DLC1: variants seen among roughly 807,000 people sequenced by gnomAD.
The protein encoded by DLC1 is rho GTPase-activating protein 7.
Under a neutral mutation model 140.3 loss-of-function variants are expected in DLC1, and 54 were observed. The observed-to-expected ratio is 0.38, with a 90% CI of 0.31 to 0.48. The LOEUF (loss-of-function observed/expected upper bound fraction) is 0.48. DLC1 is among the 20% of genes least tolerant of loss of function. The pLI is 0.96. For missense variants in DLC1, 2,536 were observed against 1,907.0 expected (o/e 1.33, Z -6.14); for synonymous variants, 986 against 728.1 (o/e 1.35, Z -5.70).
At chr8:13,176,802 T>C (rs1825783467) in intron 5 of DLC1, among the ~76,000 whole-genome samples, 1 of 152,148 alleles carries the variant, frequency 6.6e-6, no homozygotes, top group African/African-American at 2.4e-5. Flanking sequence ...TGTCCTGGAT[T>C]ATCTAGGTGG....
Position 13,579,361 on chromosome 8 carries a change from A to ATATATATT in DLC1, c.-126+25175_-126+25176insAATATATA, listed in dbSNP as rs1236395843. Among the ~76,000 whole-genome samples, 8 of 25,486 alleles carry ATATATATT rather than the reference A, an allele frequency of 3.1e-4. 1 individual carries two copies. The highest frequency in any genetic ancestry group is 1.3e-3 in the African/African-American group (6 of 4,574). 16.7% of individuals were successfully genotyped at this position (25,486 alleles called of 152,430 possible). ...TATATATATATATATATATATATAT[A>ATATATATT]TTTTTATATAATACATATTTATATA... On this transcript the variant is annotated intron_variant, in intron 1 of 1. Transcript: ENST00000631382.
chr8:13,192,334 A>G (rs1279486494), intron 5 of DLC1, among the ~76,000 whole-genome samples: 5 of 152,178 alleles, frequency 3.3e-5, no homozygotes, highest in Admixed American at 3.3e-4. Flanking sequence ...CCTTTTTAAA[A>G]ATGAGATGAC....
intron 1 of DLC1, chr8:13,557,793 A>T (rs1003986557): frequency 6.6e-6 from 1 of 152,154 alleles, no homozygotes; most frequent in Non-Finnish European, 1.5e-5. Context: ...TAGCAGTCTG[A>T]AAACAAGCTA....
At chr8:13,226,219 A>G (rs1828791405) in intron 5 of DLC1, among the ~76,000 whole-genome samples, 1 of 152,208 alleles carries the variant, frequency 6.6e-6, no homozygotes, top group Non-Finnish European at 1.5e-5. Flanking sequence ...CAGCCTGATT[A>G]ATAAATTTGA....
intron 2 of DLC1, among the ~76,000 whole-genome samples, chr8:13,424,898 T>A (rs564726651): frequency 4.6e-5 from 7 of 152,306 alleles, no homozygotes; most frequent in African/African-American, 1.7e-4. Flanking sequence ...TTTGAGTATT[T>A]ATCGCAATCT....
chr8:13,384,256 G>C (rs969065147), intron 4 of DLC1, among the ~76,000 whole-genome samples: 1 of 152,194 alleles, frequency 6.6e-6, no homozygotes, highest in Non-Finnish European at 1.5e-5. Flanking sequence ...AAAGGTGCTA[G>C]CAAGTGATGT....
Position 13,092,887 on chromosome 8 carries a change from T to C in DLC1, c.3527-62A>G, listed in dbSNP as rs1585585742. 4 of 1,542,278 alleles carry C rather than the reference T, an allele frequency of 2.6e-6. No homozygotes were observed. In the East Asian group the frequency reaches 9.5e-5, roughly 37 times the overall value. ...AATTTGCATGGACATTGCAAGGAAA[T>C]GTCCCAGAGCAAATATCGGCATCAA... On this transcript the variant is annotated intron_variant, in intron 12 of 17. Coordinates refer to ENST00000276297, the MANE Select transcript of DLC1 (RefSeq NM_182643.3).
chr8:13,376,699 A>T (rs985790859), intron 4 of DLC1, among the ~76,000 whole-genome samples: 1 of 152,212 alleles, frequency 6.6e-6, no homozygotes, highest in Non-Finnish European at 1.5e-5. Flanking sequence ...TTTCTGTAGA[A>T]TTCTGCTTCA....
chr8:13,282,872 T>C (rs1586067043), intron 5 of DLC1, among the ~76,000 whole-genome samples: 1 of 152,206 alleles, frequency 6.6e-6, no homozygotes, highest in East Asian at 1.9e-4. Context: ...TGTTTCTAAA[T>C]TAGAAGACTT....
At chr8:13,156,767 C>T (rs1166406752) in intron 5 of DLC1, among the ~76,000 whole-genome samples, 2 of 152,142 alleles carry the variant, frequency 1.3e-5, no homozygotes, top group African/African-American at 4.8e-5. Context: ...TCAGAGCATC[C>T]CTCAGTAGGA....
At chr8:13,126,801 T>C (rs554527559) in intron 5 of DLC1, among the ~76,000 whole-genome samples, 10 of 152,270 alleles carry the variant, frequency 6.6e-5, no homozygotes, top group African/African-American at 2.2e-4. Context: ...TTTTGCTTTA[T>C]AGTTCTGCGA....
intron 5 of DLC1, among the ~76,000 whole-genome samples, chr8:13,159,078 A>C (rs1824489886): frequency 1.3e-5 from 2 of 152,080 alleles, no homozygotes; most frequent in African/African-American, 4.8e-5. Context: ...TTCATATTCA[A>C]ATTCCACTCC....
intron 4 of DLC1, among the ~76,000 whole-genome samples, chr8:13,363,819 G>C (rs887933247): frequency 6.6e-6 from 1 of 152,266 alleles, no homozygotes; most frequent in Middle Eastern, 3.4e-3. Context: ...TTGGATCTTA[G>C]ATTTGGTACC....
intron 2 of DLC1, among the ~76,000 whole-genome samples, chr8:13,494,232 A>G (rs1257294284): frequency 3.9e-5 from 6 of 152,234 alleles, no homozygotes; most frequent in African/African-American, 9.6e-5. Context: ...GTTAGAGTGT[A>G]TTCCTCAATA....
chr8:13,421,451 T>C (rs1295660367), intron 2 of DLC1, among the ~76,000 whole-genome samples: 4 of 152,054 alleles, frequency 2.6e-5, no homozygotes, highest in African/African-American at 7.2e-5. Context: ...TCTCTAAAAG[T>C]CAAAGTTTGA....
chr8:13,306,217 T>G (rs548075458), intron 4 of DLC1, among the ~76,000 whole-genome samples: 13 of 152,282 alleles, frequency 8.5e-5, no homozygotes, highest in African/African-American at 2.9e-4. Context: ...ATTTAGAAGC[T>G]CAATCCCCAG....
chr8:13,578,963 G>A (rs1352464374), intron 1 of DLC1, among the ~76,000 whole-genome samples: 2 of 151,720 alleles, frequency 1.3e-5, no homozygotes, highest in Non-Finnish European at 2.9e-5. Flanking sequence ...AAGTTCCAAC[G>A]TTTTATTACA....
chr8:13,549,376 AAGCACTTC>A (rs2117351286), intron 1 of DLC1, among the ~76,000 whole-genome samples: 1 of 152,314 alleles, frequency 6.6e-6, no homozygotes, highest in South Asian at 2.1e-4. Flanking sequence ...CTGTATTAGA[AAGCACTTC>A]CATTTGAGTT....
intron 5 of DLC1, among the ~76,000 whole-genome samples, chr8:13,188,125 G>A (rs1252924017): frequency 1.4e-4 from 19 of 133,206 alleles, no homozygotes; most frequent in African/African-American, 5.2e-4. Flanking sequence ...CTCTTGTTGC[G>A]CAGGCTGGAG....
Sources: allele counts gnomAD v4.1 joint callset (sites outside exome capture counted in the v4.1 genomes callset), GRCh38; gene constraint gnomAD v4.1.1; transcripts MANE v1.5; gene names NCBI Gene and HGNC (gene_info 2026-07-23, HGNC 2026-07-21).